Variants in PREX2 observed in about 807,000 individuals in gnomAD.
The protein encoded by PREX2 is phosphatidylinositol 3,4,5-trisphosphate-dependent Rac exchanger 2 protein.
In PREX2, 107 loss-of-function variants were observed where a neutral mutation model predicts 203.2. The ratio of observed to expected loss-of-function variants is 0.53; its 90% confidence interval spans 0.45 to 0.62. The LOEUF (loss-of-function observed/expected upper bound fraction) is 0.62, where lower values mean the gene tolerates loss of function less well. Ranked by LOEUF, PREX2 falls within the 20% of genes least tolerant of loss-of-function variation. PREX2 has a pLI of 0.00. For missense variants in PREX2, 1,777 were observed against 1,955.9 expected (o/e 0.91, Z 1.72); for synonymous variants, 672 against 663.6 (o/e 1.01, Z -0.19).
chr8:68,153,088 A>G (rs960995155), intron 34 of PREX2, among the ~76,000 whole-genome samples: 1 of 152,194 alleles, frequency 6.6e-6, no homozygotes, highest in African/African-American at 2.4e-5. Flanking sequence ...TATGTATCAC[A>G]CGGCCATTCT....
At chr8:68,178,952 C>A (rs1380221254) in intron 35 of PREX2, among the ~76,000 whole-genome samples, 7 of 151,892 alleles carry the variant, frequency 4.6e-5, no homozygotes, top group African/African-American at 1.7e-4. Context: ...TTTTAAAAGT[C>A]TGATTAAAAA....
intron 17 of PREX2, among the ~76,000 whole-genome samples, chr8:68,081,861 A>ATTT (rs546660073): frequency 7.2e-6 from 1 of 139,568 alleles, no homozygotes; most frequent in African/African-American, 2.7e-5. Flanking sequence ...GGCCCAGCTG[A>ATTT]TTTTTTTTTT....
chr8:68,233,563 TAACTTCTGATCGTAATAAAA>T lies in PREX2; in HGVS notation c.*2187_*2206del, dbSNP rs1563598685. 6.6e-6 allele frequency: 1 copy of T among 152,238 alleles called. No homozygotes were observed. Among genetic ancestry groups the T allele is most frequent in the African/African-American group, 2.4e-5 (1 of 41,466 alleles). 9.4% of individuals were successfully genotyped at this position (152,238 alleles called of 1,614,324 possible). A position where few individuals can be genotyped will look rare whatever the true frequency, so the allele number is the denominator to read the frequency against. ...TGGTTTATATTAACATCAGTCACTCTAACTTCTGATCGTAATAAAAATTGTAGCTAACACTTATTAAGGGA... is the reference window on the plus strand; with the variant it reads ...TGGTTTATATTAACATCAGTCACTCTATTGTAGCTAACACTTATTAAGGGA... On this transcript the variant is annotated 3_prime_UTR_variant, in exon 40 of 40. Transcript: ENST00000288368.
chr8:67,953,191 C>T (rs551775935), intron 1 of PREX2, among the ~76,000 whole-genome samples: 2 of 135,292 alleles, frequency 1.5e-5, no homozygotes, highest in African/African-American at 5.5e-5. Flanking sequence ...CCCCCCGCCC[C>T]GGCTTAAATC....
At chr8:68,109,340 T>G in intron 24 of PREX2, 76 bp from the exon 25 acceptor site, 42 of 1,052,370 alleles carry the variant, frequency 4.0e-5, no homozygotes, top group Non-Finnish European at 5.4e-5. Flanking sequence ...AAAAAATAAA[T>G]GAAATTAATT....
At chr8:68,224,480 T>C in intron 38 of PREX2, 79 bp from the exon 39 acceptor site, 1 of 1,068,038 alleles carries the variant, frequency 9.4e-7, no homozygotes, top group Non-Finnish European at 1.5e-6. Context: ...TGAATAAGTA[T>C]CCTACACACA....
intron 1 of PREX2, among the ~76,000 whole-genome samples, chr8:68,016,188 C>G (rs112195615): frequency 0.012 from 1,851 of 152,208 alleles, 28 homozygotes; most frequent in African/African-American, 0.037. Flanking sequence ...TTCCTATTAC[C>G]TAAAAGGAAC....
At position 68,087,809 on chromosome 8, in the gene PREX2, G is replaced by T; in HGVS notation, c.2113G>T (p.Gly705Ter). The part of the protein sequence containing the change: ...GPSVVHAVGR[G>*]TVAAAAGLHP... Reference sequence around the variant, plus strand: ...TTCTGTTGTGCATGCTGTAGGAAGAGGTAGGAAATTCGTCTTGCAGGGAAA... The same window carrying T: ...TTCTGTTGTGCATGCTGTAGGAAGATGTAGGAAATTCGTCTTGCAGGGAAA... The change falls in exon 19 of 40, where the codon GGA (glycine) becomes TGA (stop). Residue 705 changes from glycine (G) to a stop codon, truncating the protein, a stop_gained and splice_region_variant. Coordinates refer to ENST00000288368, the MANE Select transcript of PREX2 (RefSeq NM_024870.4). LOFTEE classifies it high-confidence loss of function. 2 of 1,609,730 alleles carry T rather than the reference G, an allele frequency of 1.2e-6. No individual in the cohort carries two copies. Among genetic ancestry groups the T allele is most frequent in the Non-Finnish European group, 8.5e-7 (1 of 1,176,050 alleles).
intron 32 of PREX2, among the ~76,000 whole-genome samples, chr8:68,137,839 C>G (rs79486374): frequency 6.6e-6 from 1 of 152,114 alleles, no homozygotes; most frequent in Non-Finnish European, 1.5e-5. Context: ...CTGTTACTCA[C>G]AAGATTCTAG....
At chr8:68,008,253 T>C (rs1260425175) in intron 1 of PREX2, among the ~76,000 whole-genome samples, 1 of 152,238 alleles carries the variant, frequency 6.6e-6, no homozygotes, top group Non-Finnish European at 1.5e-5. Context: ...TTCTGGACTG[T>C]TTCTGTGCCA....
intron 14 of PREX2, among the ~76,000 whole-genome samples, chr8:68,073,612 G>C (rs1388335296): frequency 1.3e-5 from 2 of 152,038 alleles, no homozygotes; most frequent in Non-Finnish European, 2.9e-5. Context: ...GAAGTTTTTA[G>C]ATGAAACTAA....
chr8:68,043,672 A>G (rs950293759), intron 7 of PREX2, among the ~76,000 whole-genome samples: 2 of 152,080 alleles, frequency 1.3e-5, no homozygotes, highest in Non-Finnish European at 2.9e-5. Flanking sequence ...GTATTTTTTA[A>G]TCCCCTTGAA....
chr8:68,080,575 A>G lies in PREX2; in HGVS notation c.1775A>G (p.Lys592Arg). ...DLKVVENVIA[K>R]SLLIKSNEGS... Reference sequence around the variant, plus strand: ...AAAGTTGTGGAAAATGTTATAGCTAAGTCATTATTGGTAAGTTTATTGATA... The same window carrying G: ...AAAGTTGTGGAAAATGTTATAGCTAGGTCATTATTGGTAAGTTTATTGATA... The change falls in exon 16 of 40, where the codon AAG (lysine) becomes AGG (arginine). Residue 592 changes from lysine to arginine, a missense_variant. Physicochemically the swap from Lys to Arg is conservative, Grantham distance 26. Coordinates refer to ENST00000288368, the MANE Select transcript of PREX2 (RefSeq NM_024870.4). The G allele has an allele frequency of 6.2e-7, 1 of 1,602,162 alleles. No individual in the cohort carries two copies. The highest frequency in any genetic ancestry group is 8.5e-7 in the Non-Finnish European group (1 of 1,171,890).
At chr8:68,043,808 A>G (rs1808265173) in intron 7 of PREX2, among the ~76,000 whole-genome samples, 1 of 152,124 alleles carries the variant, frequency 6.6e-6, no homozygotes, top group Non-Finnish European at 1.5e-5. Context: ...AGAAATGGTC[A>G]TCTGTAAAGC....
At chr8:67,979,111 A>G (rs1806194624) in intron 1 of PREX2, among the ~76,000 whole-genome samples, 1 of 152,232 alleles carries the variant, frequency 6.6e-6, no homozygotes, top group African/African-American at 2.4e-5. Flanking sequence ...TGTTTCTTAC[A>G]GTGATAAAAG....
chr8:68,024,033 G>GAGAT (rs1807644019), intron 4 of PREX2, among the ~76,000 whole-genome samples: 2 of 151,938 alleles, frequency 1.3e-5, no homozygotes, highest in African/African-American at 4.8e-5. Context: ...GGGCACACCT[G>GAGAT]CCGTGTTTCT....
intron 37 of PREX2, among the ~76,000 whole-genome samples, chr8:68,197,591 A>T (rs1178726510): frequency 6.6e-6 from 1 of 151,872 alleles, no homozygotes; most frequent in Non-Finnish European, 1.5e-5. Flanking sequence ...CCCATCTCTT[A>T]ATATTACCAC....
chr8:68,157,350 C>G lies in PREX2; in HGVS notation c.4260C>G (p.Tyr1420Ter). Reference sequence around the variant, plus strand: ...TAGAGAGCATGGAAGGATATTATTACAGAGACAATGTTTCTGTGGAAGAAT... The same window carrying G: ...TAGAGAGCATGGAAGGATATTATTAGAGAGACAATGTTTCTGTGGAAGAAT... ...QALESMEGYY[Y>*]RDNVSVEEFQ... The change falls in exon 35 of 40, where the codon TAC becomes TAG. Residue 1420 changes from tyrosine to a stop codon, truncating the protein, a stop_gained. Transcript: ENST00000288368. LOFTEE classifies it high-confidence loss of function. 6.2e-7 allele frequency: 1 copy of G among 1,610,672 alleles called. No individual in the cohort carries two copies. The highest frequency in any genetic ancestry group is 8.5e-7 in the Non-Finnish European group (1 of 1,177,254).
chr8:68,040,498 C>T (rs79294037), intron 7 of PREX2, among the ~76,000 whole-genome samples: 2,590 of 152,238 alleles, frequency 0.017, 58 homozygotes, highest in African/African-American at 0.055. Context: ...GCTCCCTTCT[C>T]AGGGCCTTTG....
Sources: gnomAD v4.1 joint callset for allele counts (sites outside exome capture counted in the v4.1 genomes callset) on GRCh38, gnomAD v4.1.1 for gene constraint, MANE v1.5 for transcripts, NCBI Gene and HGNC (gene_info 2026-07-23, HGNC 2026-07-21) for gene names.